PRKCB: variants seen among roughly 807,000 people sequenced by gnomAD.
PRKCB encodes protein kinase C beta type.
A neutral mutation model predicts 81.5 loss-of-function variants in PRKCB; 13 were observed. That is an observed-to-expected ratio of 0.16 (90% CI 0.10 to 0.25). PRKCB has a LOEUF of 0.25. Among genes scored for constraint, PRKCB ranks in the 10% least tolerant of loss-of-function variants. PRKCB has a pLI of 1.00. For synonymous variants in PRKCB, 335 were observed against 321.4 expected (o/e 1.04, Z -0.45); for missense variants, 509 against 875.7 (o/e 0.58, Z 5.29).
intron 2 of PRKCB, among the ~76,000 whole-genome samples, chr16:23,882,012 T>TTCTTTCTTTC (rs1567301068): frequency 3.9e-5 from 4 of 101,888 alleles, no homozygotes; most frequent in African/African-American, 1.5e-4. Context: ...CTTTCTTTCT[T>TTCTTTCTTTC]TCTTTCTTTC....
At chr16:24,149,522 G>A (rs148262574) in intron 9 of PRKCB, among the ~76,000 whole-genome samples, 14 of 152,310 alleles carry the variant, frequency 9.2e-5, no homozygotes, top group Admixed American at 2.0e-4. Context: ...ACATCTCCTA[G>A]CCACCTTATT....
chr16:23,851,323 A>G (rs149718968), intron 2 of PRKCB, among the ~76,000 whole-genome samples: 2,014 of 152,302 alleles, frequency 0.013, 22 homozygotes, highest in South Asian at 0.023. Context: ...TCCCAACACC[A>G]TTTACTGAAG....
At chr16:24,057,794 C>T (rs975443232) in intron 5 of PRKCB, among the ~76,000 whole-genome samples, 1 of 152,136 alleles carries the variant, frequency 6.6e-6, no homozygotes, top group Non-Finnish European at 1.5e-5. Context: ...TAGGACTCAG[C>T]TCGGTGGGCG....
At chr16:24,088,568 AT>A (rs1361366008) in intron 5 of PRKCB, among the ~76,000 whole-genome samples, 2 of 152,026 alleles carry the variant, frequency 1.3e-5, no homozygotes, top group Non-Finnish European at 2.9e-5. Context: ...CTCTACAAAA[AT>A]TTTTTAAAAG....
chr16:23,985,270 T>A (rs2141819466), intron 2 of PRKCB, among the ~76,000 whole-genome samples: 1 of 152,310 alleles, frequency 6.6e-6, no homozygotes, highest in Admixed American at 6.5e-5. Flanking sequence ...ATTTTTTTTG[T>A]ATTTTTAATA....
intron 2 of PRKCB, among the ~76,000 whole-genome samples, chr16:23,887,264 G>A (rs992040689): frequency 5.3e-5 from 8 of 152,118 alleles, no homozygotes; most frequent in South Asian, 2.1e-4. Context: ...GGTATATTGC[G>A]TGATGCTGAG....
intron 2 of PRKCB, among the ~76,000 whole-genome samples, chr16:23,944,170 G>T (rs1432597672): frequency 2.0e-5 from 3 of 152,120 alleles, no homozygotes; most frequent in Admixed American, 1.3e-4. Flanking sequence ...CTATGAGAGG[G>T]ACTTTTAGTA....
intron 5 of PRKCB, among the ~76,000 whole-genome samples, chr16:24,061,921 A>C (rs938544961): frequency 2.0e-5 from 3 of 149,388 alleles, no homozygotes; most frequent in Non-Finnish European, 4.5e-5. Flanking sequence ...AAAAAAAAAA[A>C]AAAAAAAAAA....
chr16:23,863,255 T>TATATATACACATAC (rs71381622), intron 2 of PRKCB, among the ~76,000 whole-genome samples: 1 of 132,826 alleles, frequency 7.5e-6, no homozygotes, highest in African/African-American at 2.9e-5. Flanking sequence ...TATATACACA[T>TATATATACACATAC]ACACACACAC....
chr16:23,880,454 A>G lies in PRKCB; in HGVS notation c.205+43048A>G, dbSNP rs149641342. On this transcript the variant is annotated intron_variant, in intron 2 of 16. Transcript: ENST00000643927. Reference sequence around the variant, plus strand: ...AATTTTTAATCCCGGGATGGGTTCTATTAGTTTTTGTGTATTTTCTCTGCC... The same window carrying G: ...AATTTTTAATCCCGGGATGGGTTCTGTTAGTTTTTGTGTATTTTCTCTGCC... Among the ~76,000 whole-genome samples the G allele has an allele frequency of 2.2e-3, 333 of 151,674 alleles. 5 individuals carry two copies. Among genetic ancestry groups the G allele is most frequent in the East Asian group, 0.018 (95 of 5,140 alleles).
intron 13 of PRKCB, 95 bp downstream of exon 13, chr16:24,181,023 T>A (rs1967613646): frequency 6.8e-7 from 1 of 1,464,590 alleles, no homozygotes; most frequent in East Asian, 2.3e-5. Flanking sequence ...GGGTGGTACC[T>A]TGCAAGGGAA....
chr16:24,098,968 C>T (rs966387140), intron 7 of PRKCB: 1 of 152,104 alleles, frequency 6.6e-6, no homozygotes, highest in African/African-American at 2.4e-5. Context: ...CTTGACTTTG[C>T]AGGGTGTACA....
chr16:23,942,751 T>C (rs1964154575), intron 2 of PRKCB, among the ~76,000 whole-genome samples: 1 of 152,192 alleles, frequency 6.6e-6, no homozygotes, highest in African/African-American at 2.4e-5. Context: ...TTCTTATGCT[T>C]GACTAGCTCC....
At chr16:24,195,202 G>GA (rs35292926) in intron 16 of PRKCB, among the ~76,000 whole-genome samples, 62,107 of 144,066 alleles carry the variant, frequency 0.43, 12,945 homozygotes, top group Admixed American at 0.47. Context: ...CCCTGTCTCA[G>GA]AAAAAAAAAA....
chr16:24,112,527 G>C (rs1439185942), intron 7 of PRKCB, among the ~76,000 whole-genome samples: 1 of 152,056 alleles, frequency 6.6e-6, no homozygotes, highest in Admixed American at 6.5e-5. Flanking sequence ...GACAGAGTGA[G>C]ACCCTATCTC....
At chr16:23,955,817 G>A (rs1345554683) in intron 2 of PRKCB, among the ~76,000 whole-genome samples, 5 of 152,130 alleles carry the variant, frequency 3.3e-5, no homozygotes, top group African/African-American at 7.2e-5. Context: ...ACAGCAGAAA[G>A]GCATTTTCCT....
intron 2 of PRKCB, among the ~76,000 whole-genome samples, chr16:23,978,569 G>C (rs1964653717): frequency 6.6e-6 from 1 of 152,230 alleles, no homozygotes; most frequent in African/African-American, 2.4e-5. Context: ...TTGTGGAAAA[G>C]ATGTGCACAA....
rs1291950876 is a variant in PRKCB, at chr16:24,194,214, C to G, written c.1863+2984C>G. On this transcript the variant is annotated intron_variant, in intron 16 of 16. Transcript: ENST00000643927. ...CGATGGCATGCACCTGTAGTCCCAA[C>G]TACTTGGGAGGCTGAGGATAGAGAA... is the stretch of plus-strand genomic sequence containing the variant. Among the ~76,000 whole-genome samples, 5 of 152,266 alleles carry G rather than the reference C, an allele frequency of 3.3e-5. No individual in the cohort carries two copies. In the East Asian group the frequency reaches 9.7e-4, roughly 29 times the overall value.
chr16:24,096,666 A>AATATATATATATATATATATAT (rs58341820), intron 7 of PRKCB, among the ~76,000 whole-genome samples: 4 of 32,658 alleles, frequency 1.2e-4, no homozygotes, highest in East Asian at 1.2e-3. Flanking sequence ...AAAAAAAAAA[A>AATATATATATATATATATATAT]ATATATATAT....
Sources: allele counts gnomAD v4.1 joint callset (sites outside exome capture counted in the v4.1 genomes callset), GRCh38; gene constraint gnomAD v4.1.1; transcripts MANE v1.5; gene names NCBI Gene and HGNC (gene_info 2026-07-23, HGNC 2026-07-21).